The following HS6ST3 variants were observed in gnomAD, a reference collection of about 807,000 sequenced individuals.
HS6ST3 encodes the protein heparan sulfate 6-O-sulfotransferase 3, also known as heparan-sulfate 6-O-sulfotransferase 3.
A neutral mutation model predicts 36.7 loss-of-function variants in HS6ST3; 12 were observed. The observed-to-expected ratio is 0.33, with a 90% CI of 0.21 to 0.53. The LOEUF is 0.53. HS6ST3 is among the 20% of genes least tolerant of loss of function. HS6ST3 has a pLI of 0.95. For missense variants in HS6ST3, 584 were observed against 640.9 expected (o/e 0.91, Z 0.96); for synonymous variants, 240 against 257.5 (o/e 0.93, Z 0.65).
At chr13:96,372,001 G>A (rs909121478) in intron 1 of HS6ST3, among the ~76,000 whole-genome samples, 2 of 152,196 alleles carry the variant, frequency 1.3e-5, no homozygotes, top group African/African-American at 2.4e-5. Context: ...ATATGTATCC[G>A]GGGTGGGATT....
chr13:96,336,739 C>T lies in HS6ST3; in HGVS notation c.707+245170C>T, dbSNP rs1012875795. ...GTCTGTGATATTTATTACGGTAGCC[C>T]TAGCAGACTAATATATTGGTATGGA... On this transcript the variant is annotated intron_variant, in intron 1 of 1. Transcript: ENST00000376705. 2.6e-5 allele frequency among the ~76,000 whole-genome samples: 4 copies of T among 152,100 alleles called. No homozygotes were observed. The East Asian group carries it at 7.7e-4, about 29-fold the overall frequency.
chr13:96,686,483 C>T (rs1874784179), intron 1 of HS6ST3, among the ~76,000 whole-genome samples: 1 of 151,978 alleles, frequency 6.6e-6, no homozygotes, highest in African/African-American at 2.4e-5. Flanking sequence ...CTTGTGCTGA[C>T]TAAGCACATC....
At chr13:96,204,833 A>G (rs117213594) in intron 1 of HS6ST3, among the ~76,000 whole-genome samples, 6,273 of 152,300 alleles carry the variant, frequency 0.041, 208 homozygotes, top group African/African-American at 0.087. Context: ...TCTGGGATGC[A>G]GCTAAAGCAG....
At position 96,422,065 on chromosome 13, in the gene HS6ST3, A is replaced by G. The variant is rs565173713; in HGVS notation, c.707+330496A>G. ...CCCTGAATAACACTGATTCATTTTA[A>G]CACTATTTATCTTAGAAGTCTTTTT... On this transcript the variant is annotated intron_variant, in intron 1 of 1. Coordinates refer to ENST00000376705, the MANE Select transcript of HS6ST3 (RefSeq NM_153456.4). 3.9e-5 allele frequency among the ~76,000 whole-genome samples: 6 copies of G among 152,300 alleles called. No individual in the cohort carries two copies. In the South Asian group the frequency reaches 1.2e-3, roughly 32 times the overall value.
intron 1 of HS6ST3, among the ~76,000 whole-genome samples, chr13:96,177,435 G>A (rs2054217766): frequency 6.6e-6 from 1 of 152,120 alleles, no homozygotes; most frequent in African/African-American, 2.4e-5. Context: ...GTAATATTAT[G>A]CCACCATAAT....
At chr13:96,509,358 G>T (rs2138918633) in intron 1 of HS6ST3, among the ~76,000 whole-genome samples, 1 of 151,842 alleles carries the variant, frequency 6.6e-6, no homozygotes, top group Non-Finnish European at 1.5e-5. Flanking sequence ...GTTTAATTAG[G>T]TCCCATTATT....
intron 1 of HS6ST3, among the ~76,000 whole-genome samples, chr13:96,466,225 G>A (rs1218883737): frequency 6.6e-6 from 1 of 152,082 alleles, no homozygotes; most frequent in East Asian, 1.9e-4. Context: ...AGGTTGCAGT[G>A]AGCCAAGATC....
At chr13:96,401,283 G>C (rs758493143) in intron 1 of HS6ST3, among the ~76,000 whole-genome samples, 6 of 151,992 alleles carry the variant, frequency 3.9e-5, no homozygotes, top group Non-Finnish European at 7.4e-5. Context: ...TTGAAACTGT[G>C]TCCAGCCCTC....
At position 96,441,288 on chromosome 13, in the gene HS6ST3, C is replaced by CT. The variant is rs754903364; in HGVS notation, c.707+349731dup. On this transcript the variant is annotated intron_variant, in intron 1 of 1. Transcript: ENST00000376705. Reference sequence around the variant, plus strand: ...AAAGACTTGAAAAAATTTGAATATACTTTTTTTTTTTTGATGAGTAGGGGA... The same window carrying CT: ...AAAGACTTGAAAAAATTTGAATATACTTTTTTTTTTTTTGATGAGTAGGGGA... 3.6e-3 allele frequency among the ~76,000 whole-genome samples: 524 copies of CT among 146,220 alleles called. 1 individual carries two copies. The highest frequency in any genetic ancestry group is 9.7e-3 in the African/African-American group (391 of 40,158).
chr13:96,798,176 G>A (rs926718428), intron 1 of HS6ST3, among the ~76,000 whole-genome samples: 2 of 152,128 alleles, frequency 1.3e-5, no homozygotes, highest in East Asian at 1.9e-4. Flanking sequence ...CATATGGGAA[G>A]GGGCATGGAG....
At chr13:96,519,579 T>C (rs1437698651) in intron 1 of HS6ST3, among the ~76,000 whole-genome samples, 2 of 152,228 alleles carry the variant, frequency 1.3e-5, no homozygotes, top group African/African-American at 4.8e-5. Context: ...GAGTAAATAA[T>C]GGTTCTGCCC....
Position 96,322,077 on chromosome 13 carries a change from A to C in HS6ST3, c.707+230508A>C, listed in dbSNP as rs61966907. ...CTATCCACTCACATACTCTGCCTTC[A>C]TAACAATGACCACAGACAAACGTTT... On this transcript the variant is annotated intron_variant, in intron 1 of 1. Transcript: ENST00000376705. Among the ~76,000 whole-genome samples, 1,190 of 152,214 alleles carry C rather than the reference A, an allele frequency of 7.8e-3. 7 individuals are homozygous for C. Among genetic ancestry groups the C allele is most frequent in the Non-Finnish European group, 0.012 (796 of 68,016 alleles).
At chr13:96,378,244 TC>T (rs1473955717) in intron 1 of HS6ST3, among the ~76,000 whole-genome samples, 1 of 152,160 alleles carries the variant, frequency 6.6e-6, no homozygotes, top group African/African-American at 2.4e-5. Flanking sequence ...CCTTCTTCAG[TC>T]CTGCAGTGTC....
chr13:96,828,999 T>C (rs1323453144), intron 1 of HS6ST3, among the ~76,000 whole-genome samples: 2 of 152,204 alleles, frequency 1.3e-5, no homozygotes, highest in African/African-American at 2.4e-5. Context: ...GTTTCCTTTC[T>C]TGGGAATTAG....
chr13:96,143,952 T>A (rs2054044017), intron 1 of HS6ST3, among the ~76,000 whole-genome samples: 2 of 152,178 alleles, frequency 1.3e-5, no homozygotes, highest in African/African-American at 4.8e-5. Flanking sequence ...AGGCTTTCAA[T>A]GTACTGTTGA....
At chr13:96,102,544 A>G (rs2053823176) in intron 1 of HS6ST3, among the ~76,000 whole-genome samples, 1 of 152,228 alleles carries the variant, frequency 6.6e-6, no homozygotes. Context: ...TTTTAAATTC[A>G]GACTGAGGCC....
Position 96,358,107 on chromosome 13 carries a change from G to A in HS6ST3, c.707+266538G>A, listed in dbSNP as rs117451538. On this transcript the variant is annotated intron_variant, in intron 1 of 1. Coordinates refer to ENST00000376705, the MANE Select transcript of HS6ST3 (RefSeq NM_153456.4). ...AGTGAAGTGCAGTAAAATGATCTAT[G>A]CCTGTAGAGTACATATATGGAAATC... 1.4e-3 allele frequency among the ~76,000 whole-genome samples: 208 copies of A among 152,240 alleles called. 3 individuals are homozygous for A. The East Asian group carries it at 0.031, about 23-fold the overall frequency.
At chr13:96,111,580 T>A (rs2053868434) in intron 1 of HS6ST3, among the ~76,000 whole-genome samples, 1 of 152,186 alleles carries the variant, frequency 6.6e-6, no homozygotes, top group Non-Finnish European at 1.5e-5. Context: ...CTGGAAGGAA[T>A]TTTTTGCTTA....
intron 1 of HS6ST3, among the ~76,000 whole-genome samples, chr13:96,482,285 A>C (rs1187680535): frequency 6.6e-6 from 1 of 152,094 alleles, no homozygotes; most frequent in Non-Finnish European, 1.5e-5. Flanking sequence ...TAGGTCTGTC[A>C]ATCTGCTTTC....
Sources: allele counts gnomAD v4.1 joint callset (sites outside exome capture counted in the v4.1 genomes callset), GRCh38; gene constraint gnomAD v4.1.1; transcripts MANE v1.5; gene names NCBI Gene and HGNC (gene_info 2026-07-23, HGNC 2026-07-21).